Variants in RALYL observed in about 807,000 individuals in gnomAD.
RALYL encodes the protein RALY RNA binding protein like, also known as RNA-binding Raly-like protein.
RALYL carries 29 observed loss-of-function variants against 35.1 expected under a neutral mutation model. The ratio of observed to expected loss-of-function variants is 0.83; its 90% CI spans 0.61 to 1.13. RALYL has a LOEUF of 1.13. RALYL is among the 50% of genes most tolerant of loss of function. RALYL has a pLI of 0.00. For synonymous variants in RALYL, 120 were observed against 127.6 expected, an observed-to-expected ratio of 0.94 and a Z score of 0.40; for missense variants, 359 against 360.4, an observed-to-expected ratio of 1.00 and a Z score of 0.03.
chr8:84,815,544 A>ATGTT (rs1827018039), intron 4 of RALYL, among the ~76,000 whole-genome samples: 1 of 151,174 alleles, frequency 6.6e-6, no homozygotes, highest in Non-Finnish European at 1.5e-5. Flanking sequence ...ATTTTTTAAG[A>ATGTT]TGTTAAGCAA....
intron 1 of RALYL, among the ~76,000 whole-genome samples, chr8:84,491,674 CA>C (rs1564025055): frequency 6.6e-6 from 1 of 151,852 alleles, no homozygotes; most frequent in African/African-American, 2.4e-5. Flanking sequence ...AACAAACAAA[CA>C]AAACAACTTT....
chr8:84,251,613 T>C (rs1288780104), intron 1 of RALYL, among the ~76,000 whole-genome samples: 3 of 152,128 alleles, frequency 2.0e-5, no homozygotes, highest in Non-Finnish European at 4.4e-5. Flanking sequence ...GAGTGTACAT[T>C]TCGCCTTACC....
chr8:84,727,967 A>G (rs1196853790), intron 2 of RALYL, among the ~76,000 whole-genome samples: 1 of 152,024 alleles, frequency 6.6e-6, no homozygotes, highest in Non-Finnish European at 1.5e-5. Flanking sequence ...AGCATGATTT[A>G]TCGTCCTTTG....
chr8:84,234,729 T>G (rs1236252937), intron 1 of RALYL, among the ~76,000 whole-genome samples: 1 of 152,104 alleles, frequency 6.6e-6, no homozygotes, highest in Non-Finnish European at 1.5e-5. Context: ...TTTACTTCAT[T>G]AAAGTATTTA....
At chr8:84,526,172 C>A (rs141914998) in intron 1 of RALYL, among the ~76,000 whole-genome samples, 1 of 152,090 alleles carries the variant, frequency 6.6e-6, no homozygotes, top group South Asian at 2.1e-4. Context: ...CCAGGCTAGT[C>A]TCAAACTCCT....
intron 2 of RALYL, among the ~76,000 whole-genome samples, chr8:84,709,606 C>CT (rs200881188): frequency 2.4e-4 from 36 of 149,642 alleles, no homozygotes; most frequent in South Asian, 1.1e-3. Flanking sequence ...TTTTGGTATT[C>CT]TTTTTTTTAA....
chr8:84,716,545 A>G (rs1246761360), intron 2 of RALYL, among the ~76,000 whole-genome samples: 2 of 152,128 alleles, frequency 1.3e-5, no homozygotes, highest in African/African-American at 4.8e-5. Flanking sequence ...TCAGCACTGA[A>G]CTGTCCTCCA....
At chr8:84,189,014 T>C (rs931714357) in intron 1 of RALYL, among the ~76,000 whole-genome samples, 3 of 152,200 alleles carry the variant, frequency 2.0e-5, no homozygotes, top group Non-Finnish European at 4.4e-5. Context: ...TATCCATTTG[T>C]AGCCACAGAG....
intron 1 of RALYL, among the ~76,000 whole-genome samples, chr8:84,489,436 T>C (rs543375893): frequency 5.3e-5 from 8 of 152,064 alleles, no homozygotes; most frequent in Non-Finnish European, 1.0e-4. Flanking sequence ...AAATTCTCAA[T>C]ATTTTCCTGC....
intron 2 of RALYL, among the ~76,000 whole-genome samples, chr8:84,593,109 T>G (rs1218706573): frequency 6.6e-6 from 1 of 152,120 alleles, no homozygotes; most frequent in Non-Finnish European, 1.5e-5. Context: ...TTGGATCTTA[T>G]CTTTTTAATC....
chr8:84,899,490 T>C lies in RALYL; in HGVS notation c.858+11714T>C, dbSNP rs563840868. 2.0e-5 allele frequency among the ~76,000 whole-genome samples: 3 copies of C among 152,322 alleles called. No individual in the cohort carries two copies. The East Asian group carries it at 5.8e-4, about 29-fold the overall frequency. ...TATTATGAGCATTTTAAGTGCATTT[T>C]TATTGTCTGTCATAATCAGATTGTG... On this transcript the variant is annotated intron_variant, in intron 8 of 8. Transcript: ENST00000521268.
rs1586687137 is a variant in RALYL, at chr8:84,840,634, T to G, written c.366-9346T>G. Among the ~76,000 whole-genome samples the G allele has an allele frequency of 2.0e-5, 3 of 152,264 alleles. 1 individual carries two copies. The South Asian group carries it at 6.2e-4, about 32-fold the overall frequency. On this transcript the variant is annotated intron_variant, in intron 4 of 8. Coordinates refer to ENST00000521268, the MANE Select transcript of RALYL (RefSeq NM_173848.7). ...ACAGAGAACGCCACAAAGATGCTAC[T>G]TGAGAAGAGCAACTCCAAGACACAT...
chr8:84,273,066 T>C (rs1834640647), intron 1 of RALYL, among the ~76,000 whole-genome samples: 1 of 152,246 alleles, frequency 6.6e-6, no homozygotes, highest in African/African-American at 2.4e-5. Context: ...ATGTTGATCA[T>C]AACGTTTTAT....
chr8:84,800,174 C>G (rs10958227), intron 3 of RALYL, among the ~76,000 whole-genome samples: 103,898 of 152,058 alleles, frequency 0.68, 36,758 homozygotes, highest in East Asian at 0.87. Flanking sequence ...GACAGACAAT[C>G]TGACAGTACC....
intron 1 of RALYL, among the ~76,000 whole-genome samples, chr8:84,483,660 T>C (rs1302440050): frequency 6.6e-6 from 1 of 152,088 alleles, no homozygotes; most frequent in Non-Finnish European, 1.5e-5. Flanking sequence ...GATGAAAAGA[T>C]GAGACGATTA....
chr8:84,689,609 G>T (rs1700425587), intron 2 of RALYL, among the ~76,000 whole-genome samples: 1 of 151,948 alleles, frequency 6.6e-6, no homozygotes, highest in Non-Finnish European at 1.5e-5. Context: ...GGGATGGCTG[G>T]GTCAAATGGT....
intron 1 of RALYL, among the ~76,000 whole-genome samples, chr8:84,486,375 G>GA (rs917806683): frequency 4.0e-5 from 6 of 150,166 alleles, no homozygotes; most frequent in African/African-American, 1.2e-4. Context: ...ATACTTTTTT[G>GA]AAAAAAAGGA....
rs79268802 is a variant in RALYL at position 84,213,922 on chromosome 8, A to G, written c.-24+29498A>G. ...GACATTTCAATGATACATTTTATTG[A>G]ACTTTTTCATTGATATTATTGGAAT... On this transcript the variant is annotated intron_variant, in intron 1 of 8. Coordinates refer to ENST00000521268, the MANE Select transcript of RALYL (RefSeq NM_173848.7). Among the ~76,000 whole-genome samples, 947 of 152,320 alleles carry G rather than the reference A, an allele frequency of 6.2e-3. 14 individuals carry two copies. The highest frequency in any genetic ancestry group is 0.021 in the African/African-American group (861 of 41,586).
intron 4 of RALYL, among the ~76,000 whole-genome samples, chr8:84,825,230 A>G (rs557240408): frequency 6.6e-6 from 1 of 152,210 alleles, no homozygotes; most frequent in Non-Finnish European, 1.5e-5. Flanking sequence ...GGCTGCCAAC[A>G]AACATATGAG....
Sources: allele counts gnomAD v4.1 joint callset (sites outside exome capture counted in the v4.1 genomes callset), GRCh38; gene constraint gnomAD v4.1.1; transcripts MANE v1.5; gene names NCBI Gene and HGNC (gene_info 2026-07-23, HGNC 2026-07-21).